Variants in SLC35A3 observed in about 807,000 individuals in gnomAD.
The protein encoded by SLC35A3 is UDP-N-acetylglucosamine transporter.
SLC35A3 carries 26 observed loss-of-function variants against 39.0 expected under a neutral mutation model. That is an observed-to-expected ratio of 0.67 (90% CI 0.49 to 0.92). The LOEUF (loss-of-function observed/expected upper bound fraction) is 0.92, where lower values mean the gene tolerates loss of function less well. Among genes scored for constraint, SLC35A3 ranks in the 40% least tolerant of loss-of-function variants. The probability of loss-of-function intolerance (pLI) is 0.00; values close to 1 mark genes in which losing one functional copy is unlikely to be tolerated. For synonymous variants in SLC35A3, 135 were observed against 133.1 expected, an observed-to-expected ratio of 1.01 and a Z score of -0.10; for missense variants, 299 against 371.6, an observed-to-expected ratio of 0.80 and a Z score of 1.61.
intron 1 of SLC35A3, among the ~76,000 whole-genome samples, chr1:99,975,468 G>A (rs1015124274): frequency 7.9e-5 from 12 of 152,142 alleles, no homozygotes; most frequent in African/African-American, 2.2e-4. Flanking sequence ...ATTATAAAAG[G>A]TATATACAAA....
At chr1:99,971,509 A>G (rs539856784) in intron 1 of SLC35A3, among the ~76,000 whole-genome samples, 2,040 of 152,086 alleles carry the variant, frequency 0.013, 18 homozygotes, top group Middle Eastern at 0.058. Context: ...GGGTTTCACC[A>G]TGTTAGCCAG....
At chr1:99,986,532 G>T (rs1400776360) in intron 1 of SLC35A3, among the ~76,000 whole-genome samples, 1 of 151,810 alleles carries the variant, frequency 6.6e-6, no homozygotes, top group Non-Finnish European at 1.5e-5. Context: ...TTTGGAAATG[G>T]AAATGCAAAA....
At chr1:99,983,260 G>T (rs1245965180) in intron 1 of SLC35A3, among the ~76,000 whole-genome samples, 5 of 152,160 alleles carry the variant, frequency 3.3e-5, no homozygotes, top group Admixed American at 2.0e-4. Flanking sequence ...ACGGTTGGGG[G>T]CCAGGCGCGG....
chr1:99,975,991 T>G (rs2101027250), intron 1 of SLC35A3, among the ~76,000 whole-genome samples: 1 of 152,148 alleles, frequency 6.6e-6, no homozygotes, highest in Non-Finnish European at 1.5e-5. Context: ...GCCCAGTAGG[T>G]TGAGGCTGCA....
rs924025856 is a variant in SLC35A3, at chr1:100,025,750, A to C, written c.*3274A>C. The C allele has an allele frequency of 1.3e-5, 2 of 152,146 alleles. No homozygotes were observed. The highest frequency in any genetic ancestry group is 1.3e-4 in the Admixed American group (2 of 15,274). The allele number at this position is 152,146 out of a possible 1,614,324, so 9.4% of individuals were successfully genotyped here. On this transcript the variant is annotated 3_prime_UTR_variant, in exon 8 of 8. Coordinates refer to ENST00000533028, the MANE Select transcript of SLC35A3 (RefSeq NM_012243.3). ...CTTACTGTATCAAGCTTTTATAATG[A>C]TGACTCCTTCATTATTTAAATTCCT...
At chr1:99,982,244 G>A (rs12140247) in intron 1 of SLC35A3, among the ~76,000 whole-genome samples, 7,063 of 151,940 alleles carry the variant, frequency 0.046, 194 homozygotes, top group African/African-American at 0.068. Flanking sequence ...CAGGCAATCC[G>A]CCCACCTCGG....
intron 3 of SLC35A3, among the ~76,000 whole-genome samples, chr1:99,999,934 C>A (rs144423378): frequency 1.9e-3 from 284 of 152,164 alleles, no homozygotes; most frequent in Middle Eastern, 0.01. Context: ...ATGACAGGAT[C>A]TCATTCTTGT....
chr1:100,028,942 G>T lies in SLC35A3; in HGVS notation c.*6466G>T. 1 of 152,392 alleles carries T rather than the reference G, an allele frequency of 6.6e-6. No individual in the cohort carries two copies. The highest frequency in any genetic ancestry group is 1.5e-5 in the Non-Finnish European group (1 of 68,100). 9.4% of individuals were successfully genotyped at this position (152,392 alleles called of 1,614,324 possible). A position where few individuals can be genotyped will look rare whatever the true frequency, so the allele number is the denominator to read the frequency against. On this transcript the variant is annotated 3_prime_UTR_variant, in exon 8 of 8. Transcript: ENST00000533028. ...ACACATAAAACAGAGTCTAGGAGTGGTCCAAACTTGAGGCTTTCGGTGTCC... is the reference window on the plus strand; with the variant it reads ...ACACATAAAACAGAGTCTAGGAGTGTTCCAAACTTGAGGCTTTCGGTGTCC...
At chr1:99,991,862 C>T (rs1354431379) in intron 1 of SLC35A3, among the ~76,000 whole-genome samples, 1 of 152,186 alleles carries the variant, frequency 6.6e-6, no homozygotes, top group East Asian at 1.9e-4. Context: ...TATTCTCCTG[C>T]CTCAGCCTCA....
In SLC35A3 at chr1:100,024,792, T is replaced by C. The variant is rs755703883; in HGVS notation, c.*2316T>C. 6 of 395,262 alleles carry C rather than the reference T, an allele frequency of 1.5e-5. No homozygotes were observed. The highest frequency in any genetic ancestry group is 2.7e-5 in the Non-Finnish European group (6 of 224,650). 24.5% of individuals were successfully genotyped at this position (395,262 alleles called of 1,614,324 possible). ...GCCACTGCGCCCGGCCTATACTGTA[T>C]ATATTTTTAAAGACTGTTCTAATAG... On this transcript the variant is annotated 3_prime_UTR_variant, in exon 8 of 8. Coordinates refer to ENST00000533028, the MANE Select transcript of SLC35A3 (RefSeq NM_012243.3).
intron 4 of SLC35A3, chr1:100,008,427 A>G (rs1054095067): frequency 5.9e-5 from 9 of 152,246 alleles, no homozygotes; most frequent in South Asian, 2.1e-4. Context: ...TGACAAAACC[A>G]TGAAAATGAT....
Position 100,007,238 on chromosome 1 carries a change from C to T in SLC35A3, c.465+82C>T. ...TTATTTTGTGTGGAGAAATATGGTT[C>T]TATTGATTGTTGAAACCAACAAATG... On this transcript the variant is annotated intron_variant, in intron 4 of 7. Coordinates refer to ENST00000533028, the MANE Select transcript of SLC35A3 (RefSeq NM_012243.3). The T allele has an allele frequency of 1.6e-5, 21 of 1,274,942 alleles. No individual in the cohort carries two copies. The South Asian group carries it at 2.8e-4, about 17-fold the overall frequency. The allele number at this position is 1,274,942 out of a possible 1,614,324, so 79.0% of individuals were successfully genotyped here.
At chr1:99,990,003 T>C (rs1348625814) in intron 1 of SLC35A3, among the ~76,000 whole-genome samples, 13 of 152,156 alleles carry the variant, frequency 8.5e-5, no homozygotes, top group Admixed American at 2.0e-4. Context: ...ATGATCCTCC[T>C]GCCCCAGCCT....
chr1:100,004,050 G>T (rs140708782), intron 3 of SLC35A3, among the ~76,000 whole-genome samples: 7 of 152,230 alleles, frequency 4.6e-5, no homozygotes, highest in African/African-American at 1.7e-4. Flanking sequence ...GTTAACATAT[G>T]ATTTTTTAAA....
chr1:100,021,105 G>T (rs553998672), intron 7 of SLC35A3, among the ~76,000 whole-genome samples: 1 of 152,306 alleles, frequency 6.6e-6, no homozygotes, highest in African/African-American at 2.4e-5. Context: ...CACATTAAAA[G>T]TTAAGATTGC....
At chr1:100,013,848 T>C (rs75722011) in intron 5 of SLC35A3, among the ~76,000 whole-genome samples, 10,459 of 152,222 alleles carry the variant, frequency 0.069, 500 homozygotes, top group African/African-American at 0.14. Flanking sequence ...TTTCTCATCC[T>C]TTTCACTTCC....
intron 3 of SLC35A3, among the ~76,000 whole-genome samples, chr1:100,003,878 C>T (rs1218869302): frequency 6.6e-6 from 1 of 152,038 alleles, no homozygotes; most frequent in African/African-American, 2.4e-5. Context: ...ATATAATTAC[C>T]TCTTTGTCTG....
intron 3 of SLC35A3, among the ~76,000 whole-genome samples, chr1:99,999,907 C>T (rs1472338310): frequency 1.3e-5 from 2 of 151,964 alleles, no homozygotes; most frequent in African/African-American, 2.4e-5. Flanking sequence ...CCTCTAGTTG[C>T]ATCCATGTTG....
At chr1:100,010,736 A>G (rs1345193166) in intron 4 of SLC35A3, among the ~76,000 whole-genome samples, 1 of 152,210 alleles carries the variant, frequency 6.6e-6, no homozygotes, top group Non-Finnish European at 1.5e-5. Flanking sequence ...GAGGGAAGAA[A>G]TAGATGCAAA....
Sources: gnomAD v4.1 joint callset for allele counts (sites outside exome capture counted in the v4.1 genomes callset) on GRCh38, gnomAD v4.1.1 for gene constraint, MANE v1.5 for transcripts, NCBI Gene and HGNC (gene_info 2026-07-23, HGNC 2026-07-21) for gene names.